NEGR1: variants seen among roughly 807,000 people sequenced by gnomAD.
NEGR1 encodes the protein IgLON family member 4.
A neutral mutation model predicts 40.9 loss-of-function variants in NEGR1; 10 were observed. The observed-to-expected ratio is 0.24, with a 90% confidence interval of 0.15 to 0.42. The LOEUF is 0.42. Ranked by LOEUF, NEGR1 falls within the 10% of genes least tolerant of loss-of-function variation. The pLI is 1.00. For missense variants in NEGR1, 352 were observed against 438.9 expected (o/e 0.80, Z 1.77); for synonymous variants, 185 against 166.8 (o/e 1.11, Z -0.84).
chr1:71,548,635 A>G (rs1211592696), intron 6 of NEGR1, among the ~76,000 whole-genome samples: 1 of 151,648 alleles, frequency 6.6e-6, no homozygotes, highest in East Asian at 2.0e-4. Context: ...TTCATCTCAT[A>G]TGCATAGCAG....
chr1:72,248,575 T>TTCATTA (rs1654978730), intron 1 of NEGR1, among the ~76,000 whole-genome samples: 2 of 132,962 alleles, frequency 1.5e-5, no homozygotes, highest in Admixed American at 7.7e-5. Flanking sequence ...TCTATTTTTA[T>TTCATTA]TTATTATTAT....
At chr1:71,823,897 T>G (rs1020971281) in intron 2 of NEGR1, among the ~76,000 whole-genome samples, 1 of 152,068 alleles carries the variant, frequency 6.6e-6, no homozygotes, top group African/African-American at 2.4e-5. Flanking sequence ...ATTGCTGGCA[T>G]TTTTTACATG....
intron 1 of NEGR1, among the ~76,000 whole-genome samples, chr1:71,942,754 G>A (rs1431533102): frequency 6.2e-5 from 9 of 145,728 alleles, no homozygotes; most frequent in East Asian, 2.0e-4. Flanking sequence ...CGCCCGCCTC[G>A]GCCTCCCAAA....
intron 1 of NEGR1, among the ~76,000 whole-genome samples, chr1:71,964,735 G>A (rs950606190): frequency 2.6e-5 from 4 of 151,942 alleles, no homozygotes; most frequent in African/African-American, 9.7e-5. Context: ...TAATATCAAT[G>A]AACACATAGC....
chr1:72,110,057 C>T (rs574181143), intron 1 of NEGR1, among the ~76,000 whole-genome samples: 106 of 151,276 alleles, frequency 7.0e-4, no homozygotes, highest in Middle Eastern at 3.4e-3. Flanking sequence ...CTTGTCCTGG[C>T]TGGGGAGACA....
At chr1:72,141,272 C>T (rs927805946) in intron 1 of NEGR1, among the ~76,000 whole-genome samples, 1 of 151,838 alleles carries the variant, frequency 6.6e-6, no homozygotes, top group Non-Finnish European at 1.5e-5. Flanking sequence ...TATAAGAACA[C>T]TTTGTAAAGA....
chr1:72,092,484 T>C (rs1440874118), intron 1 of NEGR1, among the ~76,000 whole-genome samples: 1 of 152,116 alleles, frequency 6.6e-6, no homozygotes, highest in Non-Finnish European at 1.5e-5. Context: ...CCTTTAAAAA[T>C]CATGTTGCCC....
chr1:71,593,670 G>T (rs1420823317), intron 5 of NEGR1, among the ~76,000 whole-genome samples: 3 of 152,132 alleles, frequency 2.0e-5, no homozygotes, highest in Non-Finnish European at 2.9e-5. Context: ...ACAGTCTCTG[G>T]ATTTACCACC....
At chr1:71,717,077 A>T (rs1423281953) in intron 3 of NEGR1, among the ~76,000 whole-genome samples, 3 of 152,192 alleles carry the variant, frequency 2.0e-5, no homozygotes, top group African/African-American at 7.2e-5. Flanking sequence ...ACCAGGTTGA[A>T]TTCATTACTA....
intron 2 of NEGR1, among the ~76,000 whole-genome samples, chr1:71,876,891 C>T (rs1237478282): frequency 6.6e-6 from 1 of 152,048 alleles, no homozygotes; most frequent in East Asian, 1.9e-4. Context: ...AATCAGACCT[C>T]TGTTTTAGAA....
chr1:71,689,732 G>A (rs560801485), intron 4 of NEGR1, among the ~76,000 whole-genome samples: 1 of 151,586 alleles, frequency 6.6e-6, no homozygotes, highest in East Asian at 1.9e-4. Flanking sequence ...CTATACATCT[G>A]AGTAGAAATA....
intron 1 of NEGR1, among the ~76,000 whole-genome samples, chr1:72,026,800 AC>A (rs1224045841): frequency 3.9e-5 from 6 of 152,130 alleles, no homozygotes; most frequent in Non-Finnish European, 8.8e-5. Context: ...TGAATTCCAT[AC>A]ATTATTTCTA....
At chr1:71,597,426 A>C (rs1649749245) in intron 5 of NEGR1, among the ~76,000 whole-genome samples, 1 of 120,786 alleles carries the variant, frequency 8.3e-6, no homozygotes, top group African/African-American at 3.4e-5. Context: ...ATATATATAT[A>C]TATATGTCTC....
intron 1 of NEGR1, among the ~76,000 whole-genome samples, chr1:72,249,762 C>T (rs929044723): frequency 4.9e-5 from 7 of 142,524 alleles, no homozygotes; most frequent in Admixed American, 1.4e-4. Flanking sequence ...ATGCAGTTCC[C>T]GGCAAAGAAG....
intron 1 of NEGR1, among the ~76,000 whole-genome samples, chr1:72,065,390 T>C (rs532536539): frequency 6.6e-6 from 1 of 152,214 alleles, no homozygotes; most frequent in African/African-American, 2.4e-5. Flanking sequence ...TTTGTCACAA[T>C]ATGGTAGCTA....
intron 2 of NEGR1, among the ~76,000 whole-genome samples, chr1:71,928,380 A>G (rs1426781868): frequency 2.8e-5 from 4 of 144,904 alleles, no homozygotes; most frequent in East Asian, 2.0e-4. Context: ...GTATATATGT[A>G]TATATACACA....
intron 1 of NEGR1, among the ~76,000 whole-genome samples, chr1:72,090,134 T>G (rs192506155): frequency 1.5e-4 from 23 of 152,138 alleles, no homozygotes; most frequent in Admixed American, 1.4e-3. Context: ...GGTATTCATT[T>G]CTTAAATATA....
At chr1:71,599,817 G>A (rs1329861783) in intron 5 of NEGR1, among the ~76,000 whole-genome samples, 1 of 151,948 alleles carries the variant, frequency 6.6e-6, no homozygotes, top group Non-Finnish European at 1.5e-5. Context: ...AATTTGATTC[G>A]CATGGGAGGA....
chr1:71,451,247 G>GT (rs1236726003), intron 6 of NEGR1, among the ~76,000 whole-genome samples: 1 of 151,666 alleles, frequency 6.6e-6, no homozygotes, highest in East Asian at 1.9e-4. Context: ...AAGTTCTGAG[G>GT]TTTTTTTACT....
Sources: allele counts gnomAD v4.1 joint callset (sites outside exome capture counted in the v4.1 genomes callset), GRCh38; gene constraint gnomAD v4.1.1; transcripts MANE v1.5; gene names NCBI Gene and HGNC (gene_info 2026-07-23, HGNC 2026-07-21).